The following PRKG1 variants were observed in gnomAD, a reference collection of about 807,000 sequenced individuals.
The protein encoded by PRKG1 is cGMP-dependent protein kinase 1.
Under a neutral mutation model 88.1 loss-of-function variants are expected in PRKG1, and 35 were observed. The observed-to-expected ratio is 0.40, with a 90% CI of 0.30 to 0.53. The LOEUF (loss-of-function observed/expected upper bound fraction) is 0.53. PRKG1 is among the 20% of genes least tolerant of loss of function. The pLI is 0.59. For missense variants in PRKG1, 540 were observed against 839.8 expected, an observed-to-expected ratio of 0.64 and a Z score of 4.41; for synonymous variants, 303 against 292.5, an observed-to-expected ratio of 1.04 and a Z score of -0.37.
intron 7 of PRKG1, among the ~76,000 whole-genome samples, chr10:52,119,593 G>T (rs1847767436): frequency 6.6e-6 from 1 of 152,108 alleles, no homozygotes; most frequent in South Asian, 2.1e-4. Flanking sequence ...AGGAAAAAAA[G>T]TGAATAAATA....
At chr10:51,004,280 A>G (rs7100141) in intron 1 of PRKG1, among the ~76,000 whole-genome samples, 48,608 of 151,906 alleles carry the variant, frequency 0.32, 7,918 homozygotes, top group East Asian at 0.48. Flanking sequence ...CTTCACCAAC[A>G]TGGAGAAACC....
At chr10:52,167,699 CTTT>C (rs1838525244) in intron 9 of PRKG1, among the ~76,000 whole-genome samples, 1 of 151,352 alleles carries the variant, frequency 6.6e-6, no homozygotes, top group Non-Finnish European at 1.5e-5. Context: ...TTTCAAACTA[CTTT>C]GTGTCGTGAC....
intron 2 of PRKG1, among the ~76,000 whole-genome samples, chr10:51,419,347 T>A (rs1838341328): frequency 6.6e-6 from 1 of 152,112 alleles, no homozygotes; most frequent in Non-Finnish European, 1.5e-5. Flanking sequence ...TGTAAAAGAA[T>A]TGAAGGACCA....
At position 52,295,678 on chromosome 10, in the gene PRKG1, G is replaced by A. The variant is rs1045625630; in HGVS notation, c.*1778G>A. ...GAGTTTTCTTTTTAATCAATCAAAC[G>A]CCTACATTTCTGGAAGAAAAAGTCC... is the stretch of plus-strand genomic sequence containing the variant. On this transcript the variant is annotated 3_prime_UTR_variant, in exon 18 of 18. Coordinates refer to ENST00000373980, the MANE Select transcript of PRKG1 (RefSeq NM_006258.4). 6.6e-6 allele frequency: 1 copy of A among 151,378 alleles called. No individual in the cohort carries two copies. Among genetic ancestry groups the A allele is most frequent in the Non-Finnish European group, 1.5e-5 (1 of 67,752 alleles). 9.4% of individuals were successfully genotyped at this position (151,378 alleles called of 1,614,324 possible).
intron 2 of PRKG1, among the ~76,000 whole-genome samples, chr10:51,302,212 T>C (rs1317210061): frequency 6.6e-6 from 1 of 152,256 alleles, no homozygotes; most frequent in Non-Finnish European, 1.5e-5. Context: ...CGTTAATTAA[T>C]GTAGGGCCTT....
intron 2 of PRKG1, among the ~76,000 whole-genome samples, chr10:51,298,262 T>A (rs746571693): frequency 1.3e-5 from 2 of 152,184 alleles, no homozygotes; most frequent in Non-Finnish European, 2.9e-5. Flanking sequence ...AGAGTTACAT[T>A]GCCACTACTT....
upstream of PRKG1, among the ~76,000 whole-genome samples, chr10:51,072,687 G>C (rs1325864565): frequency 6.6e-6 from 1 of 152,026 alleles, no homozygotes; most frequent in Non-Finnish European, 1.5e-5. Flanking sequence ...GAAGTGTCTT[G>C]TGTAATCTGC....
At position 52,202,922 on chromosome 10, in the gene PRKG1, C is replaced by G. The variant is rs1401794699; in HGVS notation, c.1076+40959C>G. ...TATTTGGATCTTCTCTCTCTTTTCT[C>G]TAGCTAGTGGTCTATCATTCTTATT... On this transcript the variant is annotated intron_variant, in intron 9 of 17. Transcript: ENST00000373980. 2.6e-5 allele frequency among the ~76,000 whole-genome samples: 4 copies of G among 152,012 alleles called. No homozygotes were observed. The South Asian group carries it at 8.3e-4, about 32-fold the overall frequency.
chr10:51,624,876 TAGAG>T (rs1839295244), intron 3 of PRKG1, among the ~76,000 whole-genome samples: 1 of 152,092 alleles, frequency 6.6e-6, no homozygotes, highest in Non-Finnish European at 1.5e-5. Flanking sequence ...TTCATAGAAA[TAGAG>T]AGAATACTGG....
intron 3 of PRKG1, among the ~76,000 whole-genome samples, chr10:51,518,979 T>A (rs1841665724): frequency 6.6e-6 from 1 of 152,204 alleles, no homozygotes; most frequent in South Asian, 2.1e-4. Flanking sequence ...AGTTAGAGCC[T>A]TTATGTGAGT....
intron 3 of PRKG1, among the ~76,000 whole-genome samples, chr10:51,514,689 G>A (rs1190687008): frequency 1.3e-5 from 2 of 152,198 alleles, no homozygotes; most frequent in African/African-American, 2.4e-5. Context: ...GGAGAAGGGT[G>A]ACCTGCTTTA....
At chr10:52,089,875 C>A (rs1847010317) in intron 7 of PRKG1, among the ~76,000 whole-genome samples, 1 of 123,158 alleles carries the variant, frequency 8.1e-6, no homozygotes, top group African/African-American at 3.1e-5. Flanking sequence ...AGTGGAGTGG[C>A]ACAATCTCGG....
chr10:51,341,223 G>C (rs139196167), intron 2 of PRKG1, among the ~76,000 whole-genome samples: 1 of 152,176 alleles, frequency 6.6e-6, no homozygotes, highest in East Asian at 1.9e-4. Flanking sequence ...TTTTTTAAAG[G>C]CAATTTCTGT....
chr10:52,149,604 C>T (rs1837843668), intron 8 of PRKG1, among the ~76,000 whole-genome samples: 1 of 152,134 alleles, frequency 6.6e-6, no homozygotes, highest in African/African-American at 2.4e-5. Flanking sequence ...GTGAGGATGC[C>T]GTGAGTAGGG....
At position 51,103,721 on chromosome 10, in the gene PRKG1, C is replaced by G. The variant is rs59416648; in HGVS notation, c.311+28820C>G. On this transcript the variant is annotated intron_variant, in intron 1 of 17. Transcript: ENST00000373980. ...CAGGAAGTGTCAAGCTTCAGGAGCT[C>G]CTGATCCTGACTGAAGCAAAGCCAG... Among the ~76,000 whole-genome samples the G allele has an allele frequency of 1.5e-3, 222 of 152,202 alleles. 1 individual carries two copies. The highest frequency in any genetic ancestry group is 5.1e-3 in the African/African-American group (213 of 41,526).
intron 1 of PRKG1, among the ~76,000 whole-genome samples, chr10:51,095,448 A>C (rs532191240): frequency 6.2e-4 from 95 of 152,288 alleles, no homozygotes; most frequent in Admixed American, 9.2e-4. Context: ...GGGCACAGCT[A>C]GAGTGTATTG....
chr10:51,651,919 A>C lies in PRKG1; in HGVS notation c.593-152666A>C, dbSNP rs553873312. 4.6e-5 allele frequency among the ~76,000 whole-genome samples: 7 copies of C among 152,268 alleles called. No homozygotes were observed. In the East Asian group the frequency reaches 1.4e-3, roughly 29 times the overall value. On this transcript the variant is annotated intron_variant, in intron 3 of 17. Transcript: ENST00000373980. Reference sequence around the variant, plus strand: ...AAACAGTAAATATTTGAATGATAGCATCATTAACAACAACAACTTTGTGTC... The same window carrying C: ...AAACAGTAAATATTTGAATGATAGCCTCATTAACAACAACAACTTTGTGTC...
chr10:51,227,647 G>A lies in PRKG1; in HGVS notation c.478+74317G>A, dbSNP rs182854157. Among the ~76,000 whole-genome samples, 6 of 152,234 alleles carry A rather than the reference G, an allele frequency of 3.9e-5. No homozygotes were observed. In the East Asian group the frequency reaches 1.2e-3, roughly 29 times the overall value. ...GCTGGTTCTCATAAAATGTTGAATT[G>A]CTCCCGGACCAGACTTTAGAGTTTG... is the stretch of plus-strand genomic sequence containing the variant. On this transcript the variant is annotated intron_variant, in intron 2 of 17. Coordinates refer to ENST00000373980, the MANE Select transcript of PRKG1 (RefSeq NM_006258.4).
intron 5 of PRKG1, among the ~76,000 whole-genome samples, chr10:52,034,214 C>G (rs936187471): frequency 4.0e-5 from 6 of 151,884 alleles, no homozygotes; most frequent in African/African-American, 1.5e-4. Context: ...GACATTCCTG[C>G]CTTCTTACAT....
Sources: gnomAD v4.1 joint callset for allele counts (sites outside exome capture counted in the v4.1 genomes callset) on GRCh38, gnomAD v4.1.1 for gene constraint, MANE v1.5 for transcripts, NCBI Gene and HGNC (gene_info 2026-07-23, HGNC 2026-07-21) for gene names.